Variants in SASH1 observed in about 807,000 individuals in gnomAD.
SASH1 encodes SAM and SH3 domain containing 1, also known as SAM and SH3 domain-containing protein 1.
SASH1 carries 44 observed loss-of-function variants against 125.2 expected under a neutral mutation model. The observed-to-expected ratio is 0.35, with a 90% CI of 0.28 to 0.45. The LOEUF is 0.45. Among genes scored for constraint, SASH1 ranks in the 20% least tolerant of loss-of-function variants. SASH1 has a pLI of 1.00. For synonymous variants in SASH1, 639 were observed against 649.1 expected, an observed-to-expected ratio of 0.98 and a Z score of 0.24; for missense variants, 1,426 against 1,614.5, an observed-to-expected ratio of 0.88 and a Z score of 2.00.
At chr6:148,370,083 AT>A (rs543122565) in intron 1 of SASH1, among the ~76,000 whole-genome samples, 49 of 150,876 alleles carry the variant, frequency 3.2e-4, no homozygotes, top group Middle Eastern at 3.4e-3. Context: ...AACAAATAGC[AT>A]TTTTCTCTTT....
intron 1 of SASH1, among the ~76,000 whole-genome samples, chr6:148,279,270 C>T (rs116192805): frequency 0.012 from 1,818 of 152,224 alleles, 40 homozygotes; most frequent in African/African-American, 0.041. Context: ...GGATTACAGA[C>T]ATGAACCACC....
chr6:148,425,224 C>T (rs2473559), intron 2 of SASH1, among the ~76,000 whole-genome samples: 69,054 of 151,894 alleles, frequency 0.45, 15,801 homozygotes, highest in South Asian at 0.67. Context: ...ATGCACAAGG[C>T]TGCACGCAAG....
At chr6:148,451,544 T>G (rs1562422223) in intron 4 of SASH1, among the ~76,000 whole-genome samples, 1 of 152,158 alleles carries the variant, frequency 6.6e-6, no homozygotes, top group Non-Finnish European at 1.5e-5. Flanking sequence ...GCGCCTGTAG[T>G]CCTAGCTACT....
At chr6:148,410,782 G>C (rs1414321569) in intron 2 of SASH1, among the ~76,000 whole-genome samples, 1 of 152,146 alleles carries the variant, frequency 6.6e-6, no homozygotes. Flanking sequence ...GTTGTAAGGA[G>C]GACCTCACTG....
chr6:148,240,546 T>C, the SASH1 span, among the ~76,000 whole-genome samples: 2 of 152,168 alleles, frequency 1.3e-5, no homozygotes, highest in Non-Finnish European at 2.9e-5. Context: ...GCTGGCTCTT[T>C]GGCAAAAGAA....
intron 2 of SASH1, among the ~76,000 whole-genome samples, chr6:148,428,850 C>T (rs1775937668): frequency 6.6e-6 from 1 of 152,102 alleles, no homozygotes; most frequent in South Asian, 2.1e-4. Context: ...AACCTTTCTT[C>T]TTTGATATGA....
intron 1 of SASH1, among the ~76,000 whole-genome samples, chr6:148,348,957 G>T (rs539768242): frequency 6.6e-6 from 1 of 152,346 alleles, no homozygotes; most frequent in African/African-American, 2.4e-5. Flanking sequence ...AGCAACCCAG[G>T]AGCGTCTGGG....
At chr6:148,414,611 G>T (rs1583115599) in intron 2 of SASH1, among the ~76,000 whole-genome samples, 2 of 152,302 alleles carry the variant, frequency 1.3e-5, no homozygotes, top group South Asian at 4.1e-4. Flanking sequence ...TCCTGGAGCT[G>T]CAGCAGTGAG....
chr6:148,442,091 T>C (rs1453001184), intron 4 of SASH1, among the ~76,000 whole-genome samples: 1 of 152,238 alleles, frequency 6.6e-6, no homozygotes, highest in Non-Finnish European at 1.5e-5. Flanking sequence ...ACACTTTCTT[T>C]TGAAAACTTT....
rs889315415 is a variant in SASH1, at chr6:148,533,655, C to T, written c.1735-116C>T. On this transcript the variant is annotated intron_variant, in intron 14 of 19. Transcript: ENST00000367467. This position sits in a 1 kb window ranked among gnomAD's most constrained non-coding sequence, Gnocchi z 6.2. Reference sequence around the variant, plus strand: ...CTCAGAGGGGTGACTTGTGGGACCCCGATTCTGGCCTTTGTGGCATCTTCA... The same window carrying T: ...CTCAGAGGGGTGACTTGTGGGACCCTGATTCTGGCCTTTGTGGCATCTTCA... 13 of 978,570 alleles carry T rather than the reference C, an allele frequency of 1.3e-5. No homozygotes were observed. The highest frequency in any genetic ancestry group is 1.5e-5 in the South Asian group (1 of 66,164). 60.6% of individuals were successfully genotyped at this position (978,570 alleles called of 1,614,324 possible).
chr6:148,313,391 C>A (rs1780388297), intron 1 of SASH1, among the ~76,000 whole-genome samples: 1 of 152,238 alleles, frequency 6.6e-6, no homozygotes, highest in African/African-American at 2.4e-5. Context: ...ATTACTTTCC[C>A]TACTAATTGG....
At chr6:148,424,463 T>A (rs1775718485) in intron 2 of SASH1, among the ~76,000 whole-genome samples, 1 of 152,088 alleles carries the variant, frequency 6.6e-6, no homozygotes, top group South Asian at 2.1e-4. Flanking sequence ...GACCTCAAGT[T>A]GTCCGCCCAC....
intron 4 of SASH1, among the ~76,000 whole-genome samples, chr6:148,461,951 T>G (rs1486081662): frequency 6.6e-6 from 1 of 152,216 alleles, no homozygotes; most frequent in Non-Finnish European, 1.5e-5. Context: ...AACTACTTCT[T>G]AATGTAAGCC....
At chr6:148,245,977 C>T in the SASH1 span, among the ~76,000 whole-genome samples, 4 of 148,502 alleles carry the variant, frequency 2.7e-5, no homozygotes, top group South Asian at 2.1e-4. Flanking sequence ...AACCAGACTC[C>T]GTCTAAAAAA....
At position 148,280,178 on chromosome 6, in the gene SASH1, C is replaced by A. The variant is rs1450994855; in HGVS notation, n.74+7801C>A. On this transcript the variant is annotated intron_variant and non_coding_transcript_variant, in intron 1 of 3. Coordinates refer to the SASH1 transcript ENST00000367469. Reference sequence around the variant, plus strand: ...GTGAACAGAACAGCCAAGGTCTCAGCCCCATGGAACTTACACCCTCCCATG... The same window carrying A: ...GTGAACAGAACAGCCAAGGTCTCAGACCCATGGAACTTACACCCTCCCATG... The A allele has an allele frequency of 2.0e-5, 3 of 151,202 alleles. No individual in the cohort carries two copies. The East Asian group carries it at 5.8e-4, about 29-fold the overall frequency. The allele number at this position is 151,202 out of a possible 1,614,324, so 9.4% of individuals were successfully genotyped here.
In SASH1 at chr6:148,487,727, A is replaced by G. The variant is rs374052577; in HGVS notation, c.729+12A>G. The G allele has an allele frequency of 1.8e-5, 29 of 1,573,306 alleles. No homozygotes were observed. In the African/African-American group the frequency reaches 3.5e-4, roughly 19 times the overall value. On this transcript the variant is annotated intron_variant, in intron 8 of 19. Coordinates refer to ENST00000367467, the MANE Select transcript of SASH1 (RefSeq NM_015278.5). ...CATCAAACTGCAATGTGAGTTTATC[A>G]TGTCTTTGACATCTTGATCACCTAC...
At chr6:148,509,207 T>A (rs1379395075) in intron 8 of SASH1, 1 of 312,990 alleles carries the variant, frequency 3.2e-6, no homozygotes, top group African/African-American at 2.2e-5. Flanking sequence ...TTGCTTTTCA[T>A]AAGCTTATAT....
At chr6:148,434,381 T>A (rs1776206289) in intron 2 of SASH1, among the ~76,000 whole-genome samples, 3 of 152,082 alleles carry the variant, frequency 2.0e-5, no homozygotes, top group African/African-American at 7.2e-5. Flanking sequence ...GGCCTGGAGA[T>A]CGTATTTTTA....
intron 8 of SASH1, among the ~76,000 whole-genome samples, chr6:148,494,756 T>C (rs1583252150): frequency 6.6e-6 from 1 of 152,246 alleles, no homozygotes; most frequent in African/African-American, 2.4e-5. Flanking sequence ...TACATTTTTG[T>C]CACTAATTTG....
Sources: allele counts gnomAD v4.1 joint callset (sites outside exome capture counted in the v4.1 genomes callset), GRCh38; gene constraint gnomAD v4.1.1; non-coding constraint Gnocchi (gnomAD v3.1); transcripts MANE v1.5; gene names NCBI Gene and HGNC (gene_info 2026-07-23, HGNC 2026-07-21).